Variants in FNDC3A observed in about 807,000 individuals in gnomAD.
The protein encoded by FNDC3A is fibronectin type-III domain-containing protein 3A.
A neutral mutation model predicts 148.9 loss-of-function variants in FNDC3A; 32 were observed. That is an observed-to-expected ratio of 0.21 (90% confidence interval 0.16 to 0.29). The LOEUF is 0.29. FNDC3A is among the 10% of genes least tolerant of loss of function. FNDC3A has a pLI of 1.00. For synonymous variants in FNDC3A, 472 were observed against 473.6 expected, an observed-to-expected ratio of 1.00 and a Z score of 0.04; for missense variants, 1,191 against 1,452.8, an observed-to-expected ratio of 0.82 and a Z score of 2.93.
intron 2 of FNDC3A, among the ~76,000 whole-genome samples, chr13:49,033,781 A>G (rs1223323717): frequency 6.6e-6 from 1 of 151,976 alleles, no homozygotes; most frequent in African/African-American, 2.4e-5. Flanking sequence ...GTCAAGGAGT[A>G]AGATCATGTT....
chr13:49,151,218 C>T (rs965573350), intron 8 of FNDC3A, among the ~76,000 whole-genome samples: 1 of 152,172 alleles, frequency 6.6e-6, no homozygotes, highest in Non-Finnish European at 1.5e-5. Context: ...TGGAGTCTGT[C>T]TCTCCCTTTA....
chr13:49,013,015 T>C (rs1198018469), intron 2 of FNDC3A, among the ~76,000 whole-genome samples: 2 of 152,140 alleles, frequency 1.3e-5, no homozygotes, highest in Admixed American at 6.5e-5. Context: ...GTATATTCTT[T>C]CTAAGATCTA....
At chr13:48,992,933 T>A (rs531657336) in intron 1 of FNDC3A, among the ~76,000 whole-genome samples, 33 of 152,198 alleles carry the variant, frequency 2.2e-4, no homozygotes, top group Non-Finnish European at 3.8e-4. Flanking sequence ...TACTCTGCCA[T>A]TTCCCAGGAG....
intron 5 of FNDC3A, among the ~76,000 whole-genome samples, chr13:49,134,087 T>C (rs1882189229): frequency 6.6e-6 from 1 of 152,194 alleles, no homozygotes; most frequent in Non-Finnish European, 1.5e-5. Context: ...TTTTCTATAT[T>C]CAGTATGTAC....
chr13:49,004,060 A>G (rs1952176137), intron 1 of FNDC3A, among the ~76,000 whole-genome samples: 1 of 152,178 alleles, frequency 6.6e-6, no homozygotes, highest in Non-Finnish European at 1.5e-5. Context: ...ATGTTAATAC[A>G]TGCTGTAAGT....
chr13:49,058,698 A>G (rs922137689), intron 2 of FNDC3A, among the ~76,000 whole-genome samples: 22 of 152,200 alleles, frequency 1.4e-4, no homozygotes, highest in African/African-American at 4.8e-4. Context: ...AAACGAATTT[A>G]TATTGTTTAA....
intron 2 of FNDC3A, among the ~76,000 whole-genome samples, chr13:49,019,429 C>T (rs984871882): frequency 1.1e-4 from 17 of 152,212 alleles, no homozygotes; most frequent in African/African-American, 4.8e-5. Context: ...CTTGTGCTTC[C>T]GGAGTGAGGC....
intron 1 of FNDC3A, among the ~76,000 whole-genome samples, chr13:48,979,590 A>G (rs1951662837): frequency 6.6e-6 from 1 of 152,146 alleles, no homozygotes; most frequent in African/African-American, 2.4e-5. Flanking sequence ...GAAGAGGAAA[A>G]TAGGCAGAGC....
intron 8 of FNDC3A, among the ~76,000 whole-genome samples, chr13:49,159,679 G>T (rs1405752526): frequency 6.6e-6 from 1 of 152,190 alleles, no homozygotes; most frequent in African/African-American, 2.4e-5. Context: ...GAGAGAGAGG[G>T]CATCCCTGTC....
In FNDC3A at chr13:49,167,291, AT is replaced by A; in HGVS notation, c.1027del (p.Tyr343ThrfsTer12). 1 of 1,602,536 alleles carries A rather than the reference AT, an allele frequency of 6.2e-7. No homozygotes were observed. Among genetic ancestry groups the A allele is most frequent in the Non-Finnish European group, 8.5e-7 (1 of 1,172,650 alleles). On this transcript the variant is annotated frameshift_variant, in exon 9 of 26. Coordinates refer to ENST00000492622, the MANE Select transcript of FNDC3A (RefSeq NM_001079673.2). LOFTEE classifies it high-confidence loss of function. ...ITLNDLKPAM[D>X]YHAKVQAEYN... ...TTAAATGATCTCAAGCCAGCCATGGATTACCATGCAAAGTAAGGAATTCCTA... is the reference window on the plus strand; with the variant it reads ...TTAAATGATCTCAAGCCAGCCATGGATACCATGCAAAGTAAGGAATTCCTA...
chr13:49,076,954 T>G (rs1399575926), intron 3 of FNDC3A, among the ~76,000 whole-genome samples: 2 of 152,140 alleles, frequency 1.3e-5, no homozygotes, highest in East Asian at 3.8e-4. Context: ...TTCCATATGT[T>G]GGGTATTTAA....
chr13:49,131,166 T>G lies in FNDC3A; in HGVS notation c.282T>G (p.Val94=). Residue 94 remains valine (V), a synonymous_variant, in exon 5 of 26, where the codon GTT becomes GTG. Coordinates refer to ENST00000492622, the MANE Select transcript of FNDC3A (RefSeq NM_001079673.2). ...QVIEDNGVRR[V]VVVPQAPEFH... ...TTGAAGACAATGGTGTTCGAAGAGT[T>G]GTCGTGGTCCCTCAGGCACCAGAGT... The G allele has an allele frequency of 6.2e-7, 1 of 1,613,878 alleles. No homozygotes were observed. The highest frequency in any genetic ancestry group is 8.5e-7 in the Non-Finnish European group (1 of 1,179,744).
At chr13:49,190,176 G>A (rs962388497) in intron 17 of FNDC3A, among the ~76,000 whole-genome samples, 5 of 152,098 alleles carry the variant, frequency 3.3e-5, no homozygotes, top group South Asian at 4.1e-4. Flanking sequence ...GTGAGCCACC[G>A]CGCCCGGCCC....
chr13:49,090,371 G>A (rs955424913), intron 3 of FNDC3A, among the ~76,000 whole-genome samples: 1 of 152,154 alleles, frequency 6.6e-6, no homozygotes, highest in African/African-American at 2.4e-5. Flanking sequence ...CCAAGATCAC[G>A]CCACTGCACT....
intron 8 of FNDC3A, among the ~76,000 whole-genome samples, chr13:49,150,620 A>T (rs1883234704): frequency 6.6e-6 from 1 of 151,956 alleles, no homozygotes; most frequent in African/African-American, 2.4e-5. Context: ...CTATTAAGTT[A>T]TTAGAAAATA....
At chr13:49,174,403 CA>C (rs1258197591) in intron 11 of FNDC3A, 31 bp from the exon 12 acceptor site, 1 of 1,574,646 alleles carries the variant, frequency 6.4e-7, no homozygotes, top group South Asian at 1.1e-5. Context: ...CAGTAATGTA[CA>C]TGGTATATAA....
At chr13:49,076,239 CCT>C (rs1878102668) in intron 3 of FNDC3A, among the ~76,000 whole-genome samples, 1 of 151,940 alleles carries the variant, frequency 6.6e-6, no homozygotes, top group African/African-American at 2.4e-5. Context: ...TGTTACTTAA[CCT>C]CTGTAAGTAC....
intron 2 of FNDC3A, among the ~76,000 whole-genome samples, chr13:49,043,020 A>G (rs1215070567): frequency 6.6e-6 from 1 of 152,046 alleles, no homozygotes; most frequent in African/African-American, 2.4e-5. Context: ...CAGTGGTACA[A>G]TCAAGGCTCA....
intron 3 of FNDC3A, among the ~76,000 whole-genome samples, chr13:49,090,827 A>G (rs1447816237): frequency 6.6e-6 from 1 of 151,904 alleles, no homozygotes; most frequent in Non-Finnish European, 1.5e-5. Flanking sequence ...CCTCATCTCT[A>G]CTACTGAAAA....
Sources: gnomAD v4.1 joint callset for allele counts (sites outside exome capture counted in the v4.1 genomes callset) on GRCh38, gnomAD v4.1.1 for gene constraint, MANE v1.5 for transcripts, NCBI Gene and HGNC (gene_info 2026-07-23, HGNC 2026-07-21) for gene names.